CCDC66: variants seen among roughly 807,000 people sequenced by gnomAD.
CCDC66 encodes the protein coiled-coil domain containing 66.
In CCDC66, 133 loss-of-function variants were observed where a neutral mutation model predicts 128.3. That is an observed-to-expected ratio of 1.04 (90% CI 0.90 to 1.20). The LOEUF is 1.20. Ranked by LOEUF, CCDC66 falls within the 50% of genes most tolerant of loss-of-function variation. The pLI, the probability that CCDC66 is intolerant of heterozygous loss-of-function variation, is 0.00. For synonymous variants in CCDC66, 387 were observed against 357.0 expected (o/e 1.08, Z -0.95); for missense variants, 1,126 against 1,075.5 (o/e 1.05, Z -0.66).
chr3:56,565,471 T>C (rs1577260869), intron 4 of CCDC66, among the ~76,000 whole-genome samples: 1 of 149,960 alleles, frequency 6.7e-6, no homozygotes, highest in Middle Eastern at 3.5e-3. Context: ...TTTTGTATTT[T>C]TAGTAGAGAC....
chr3:56,561,033 T>G (rs964537996), intron 3 of CCDC66: 1 of 436,322 alleles, frequency 2.3e-6, no homozygotes, highest in Middle Eastern at 3.4e-4. Context: ...TCAGAACAAT[T>G]CCACAAACTA....
At chr3:56,560,019 T>C (rs917946973) in intron 3 of CCDC66, among the ~76,000 whole-genome samples, 9 of 152,212 alleles carry the variant, frequency 5.9e-5, no homozygotes, top group African/African-American at 1.9e-4. Context: ...TCTTTAAAAA[T>C]AGATATTCAG....
chr3:56,564,770 A>T (rs2065568370), intron 4 of CCDC66, among the ~76,000 whole-genome samples: 1 of 152,250 alleles, frequency 6.6e-6, no homozygotes, highest in Non-Finnish European at 1.5e-5. Context: ...TTATTAGGCA[A>T]TAGTGAAATA....
rs1232812756 is a variant in CCDC66 at position 56,619,252 on chromosome 3, CTA to C, written c.2379-17_2379-16del. On this transcript the variant is annotated splice_polypyrimidine_tract_variant and intron_variant, in intron 15 of 17. Transcript: ENST00000394672. ...CTTAATCTAAATACACAATTTTTTA[CTA>C]TTTTTTTTTTAAATAGGTCTCCATC... 5.2e-6 allele frequency: 8 copies of C among 1,524,054 alleles called. No individual in the cohort carries two copies. The African/African-American group carries it at 9.9e-5, about 19-fold the overall frequency. 94.4% of individuals were successfully genotyped at this position (1,524,054 alleles called of 1,614,324 possible). A position where few individuals can be genotyped will look rare whatever the true frequency, so the allele number is the denominator to read the frequency against.
intron 16 of CCDC66, 115 bp downstream of exon 16, chr3:56,619,642 A>T: frequency 2.7e-6 from 4 of 1,485,336 alleles, no homozygotes; most frequent in Non-Finnish European, 3.6e-6. Flanking sequence ...AGTTTCTTGA[A>T]TATGTCTTAA....
Position 56,567,051 on chromosome 3 carries a change from T to G in CCDC66, c.812T>G (p.Leu271Arg). The change falls in exon 6 of 18, where the codon CTA becomes CGA. Residue 271 changes from leucine to arginine, a missense_variant and splice_region_variant. Leu to Arg is a moderately radical substitution (Grantham distance 102). Coordinates refer to ENST00000394672, the MANE Select transcript of CCDC66 (RefSeq NM_001141947.3). Reference protein sequence around the residue: ...EAKKAQWRKELDEQVALKKKE... With the variant: ...EAKKAQWRKERDEQVALKKKE... Reference sequence around the variant, plus strand: ...AAAAAAGCCCAGTGGAGGAAAGAGCTAGGTAGGTAACTTTTATACCTTTAT... The same window carrying G: ...AAAAAAGCCCAGTGGAGGAAAGAGCGAGGTAGGTAACTTTTATACCTTTAT... 1 of 1,609,024 alleles carries G rather than the reference T, an allele frequency of 6.2e-7. No homozygotes were observed. Among genetic ancestry groups the G allele is most frequent in the Non-Finnish European group, 8.5e-7 (1 of 1,175,474 alleles).
At chr3:56,612,733 G>A (rs1312764375) in intron 10 of CCDC66, among the ~76,000 whole-genome samples, 1 of 152,182 alleles carries the variant, frequency 6.6e-6, no homozygotes, top group Non-Finnish European at 1.5e-5. Context: ...GGTAATGGCA[G>A]GTTGATTGGG....
chr3:56,560,971 G>A (rs2107712636), intron 3 of CCDC66: 1 of 454,878 alleles, frequency 2.2e-6, no homozygotes. Flanking sequence ...TAATTAAGGT[G>A]AAGAAGTTGC....
chr3:56,560,881 G>T, intron 3 of CCDC66: 1 of 456,522 alleles, frequency 2.2e-6, no homozygotes. Context: ...GTCTTTGCTT[G>T]TCTGTGGATA....
chr3:56,617,041 T>C, intron 13 of CCDC66, 71 bp from the exon 14 acceptor site: 2 of 1,232,950 alleles, frequency 1.6e-6, no homozygotes, highest in Non-Finnish European at 2.2e-6. Flanking sequence ...TGTTTAATGT[T>C]TTGGGGAAAA....
In CCDC66 at chr3:56,576,459, A is replaced by T. The variant is rs564823370; in HGVS notation, c.936+5157A>T. On this transcript the variant is annotated intron_variant, in intron 7 of 17. Coordinates refer to ENST00000394672, the MANE Select transcript of CCDC66 (RefSeq NM_001141947.3). ...TCTGGGGTAAATGTGCACAACATGC[A>T]GGTTTGTTACATATGTATACATGTG... Among the ~76,000 whole-genome samples, 28 of 151,172 alleles carry T rather than the reference A, an allele frequency of 1.9e-4. 1 individual carries two copies. Among genetic ancestry groups the T allele is most frequent in the Admixed American group, 8.7e-4 (13 of 14,938 alleles).
intron 10 of CCDC66, among the ~76,000 whole-genome samples, chr3:56,601,670 C>A (rs1168705198): frequency 2.6e-5 from 4 of 151,962 alleles, no homozygotes; most frequent in Admixed American, 1.3e-4. Flanking sequence ...TTGTAGTTCT[C>A]CTTAAAGAGG....
At chr3:56,584,404 C>T (rs1348993957) in intron 7 of CCDC66, among the ~76,000 whole-genome samples, 2 of 150,258 alleles carry the variant, frequency 1.3e-5, no homozygotes, top group Non-Finnish European at 3.0e-5. Flanking sequence ...AGGGGCTCCT[C>T]ACTTCTCAGA....
At chr3:56,588,561 C>T (rs2070258160) in intron 7 of CCDC66, among the ~76,000 whole-genome samples, 2 of 152,172 alleles carry the variant, frequency 1.3e-5, no homozygotes, top group South Asian at 4.1e-4. Flanking sequence ...CTCATGAGAA[C>T]TTATCGCAAT....
chr3:56,584,513 C>T (rs1414619631), intron 7 of CCDC66, among the ~76,000 whole-genome samples: 1 of 148,698 alleles, frequency 6.7e-6, no homozygotes, highest in African/African-American at 2.5e-5. Context: ...GGCAGAGGCG[C>T]TCCCCACATC....
intron 6 of CCDC66, among the ~76,000 whole-genome samples, chr3:56,567,361 G>T (rs114090695): frequency 1.3e-5 from 2 of 152,184 alleles, no homozygotes; most frequent in Non-Finnish European, 2.9e-5. Context: ...CTGCACTCCA[G>T]CTGGGCTACC....
chr3:56,595,393 C>T (rs1296924430), intron 10 of CCDC66, among the ~76,000 whole-genome samples: 2 of 152,178 alleles, frequency 1.3e-5, no homozygotes, highest in Non-Finnish European at 2.9e-5. Flanking sequence ...TTGATCACTA[C>T]CACCCTCACA....
At chr3:56,590,948 T>C (rs1276775435) in intron 7 of CCDC66, among the ~76,000 whole-genome samples, 1 of 152,138 alleles carries the variant, frequency 6.6e-6, no homozygotes, top group Non-Finnish European at 1.5e-5. Context: ...AAACAATTGT[T>C]ACAGTGTGTC....
intron 1 of CCDC66, 75 bp from the exon 2 acceptor site, chr3:56,558,771 C>G: frequency 1.0e-6 from 1 of 981,878 alleles, no homozygotes; most frequent in Non-Finnish European, 1.6e-6. Context: ...TTGTCAGGTT[C>G]AAATGAACAT....
Sources: gnomAD v4.1 joint callset for allele counts (sites outside exome capture counted in the v4.1 genomes callset) on GRCh38, gnomAD v4.1.1 for gene constraint, MANE v1.5 for transcripts, NCBI Gene and HGNC (gene_info 2026-07-23, HGNC 2026-07-21) for gene names.